RAD51B: variants seen among roughly 807,000 people sequenced by gnomAD.
RAD51B encodes RAD51 paralog B.
RAD51B carries 38 observed loss-of-function variants against 42.2 expected under a neutral mutation model. The ratio of observed to expected loss-of-function variants is 0.90; its 90% CI spans 0.70 to 1.18. RAD51B has a LOEUF of 1.18. Ranked by LOEUF, RAD51B falls within the 50% of genes most tolerant of loss-of-function variation. The pLI, the probability that RAD51B is intolerant of heterozygous loss-of-function variation, is 0.00. For missense variants in RAD51B, 373 were observed against 400.7 expected, an observed-to-expected ratio of 0.93 and a Z score of 0.59; for synonymous variants, 154 against 145.2, an observed-to-expected ratio of 1.06 and a Z score of -0.43.
chr14:67,927,055 G>A (rs2044540132), intron 7 of RAD51B, among the ~76,000 whole-genome samples: 1 of 152,158 alleles, frequency 6.6e-6, no homozygotes, highest in African/African-American at 2.4e-5. Context: ...TCCCATTCCT[G>A]TTATTTAAGC....
At chr14:68,058,623 C>T (rs1158856464) in intron 7 of RAD51B, among the ~76,000 whole-genome samples, 1 of 152,098 alleles carries the variant, frequency 6.6e-6, no homozygotes, top group Non-Finnish European at 1.5e-5. Flanking sequence ...GTATAGTATA[C>T]CATCATATCT....
intron 8 of RAD51B, among the ~76,000 whole-genome samples, chr14:68,400,150 T>C (rs2084056651): frequency 6.6e-6 from 1 of 152,182 alleles, no homozygotes; most frequent in African/African-American, 2.4e-5. Context: ...CCTTGTGAGC[T>C]GATTTCCTGA....
At chr14:68,632,404 G>A (rs112256313) in intron 10 of RAD51B, among the ~76,000 whole-genome samples, 6 of 152,314 alleles carry the variant, frequency 3.9e-5, no homozygotes, top group South Asian at 4.1e-4. Context: ...CCGCTCGGCC[G>A]TCTGGGACTG....
intron 8 of RAD51B, among the ~76,000 whole-genome samples, chr14:68,376,807 TG>T (rs2083379242): frequency 1.3e-5 from 2 of 152,304 alleles, no homozygotes; most frequent in African/African-American, 2.4e-5. Context: ...GGTAAGAACA[TG>T]TTTTTTTGTA....
chr14:67,838,478 T>C (rs962648223), intron 4 of RAD51B, among the ~76,000 whole-genome samples: 2 of 152,146 alleles, frequency 1.3e-5, no homozygotes, highest in African/African-American at 4.8e-5. Context: ...GGTCTAGCTG[T>C]GTCACCTAGG....
intron 7 of RAD51B, among the ~76,000 whole-genome samples, chr14:68,020,143 T>C (rs2075840542): frequency 1.3e-5 from 2 of 152,178 alleles, no homozygotes; most frequent in Non-Finnish European, 2.9e-5. Flanking sequence ...GGGGTCTCAC[T>C]ATCTCACCTA....
chr14:67,888,730 T>A (rs747395548), intron 7 of RAD51B, among the ~76,000 whole-genome samples: 14 of 152,182 alleles, frequency 9.2e-5, no homozygotes, highest in Non-Finnish European at 1.6e-4. Flanking sequence ...TTGGGTATTA[T>A]AAGTAATGTA....
intron 4 of RAD51B, among the ~76,000 whole-genome samples, chr14:67,842,846 T>G (rs551197649): frequency 1.3e-5 from 2 of 152,344 alleles, no homozygotes; most frequent in South Asian, 2.1e-4. Context: ...TATGTTCATT[T>G]CGATGCCTAG....
At chr14:67,858,507 G>A (rs1413552253) in intron 4 of RAD51B, among the ~76,000 whole-genome samples, 1 of 152,198 alleles carries the variant, frequency 6.6e-6, no homozygotes, top group Non-Finnish European at 1.5e-5. Flanking sequence ...ACAGAATGGG[G>A]AGTGCATGCT....
intron 7 of RAD51B, among the ~76,000 whole-genome samples, chr14:68,023,358 G>A (rs1398890719): frequency 6.6e-6 from 1 of 151,664 alleles, no homozygotes; most frequent in Admixed American, 6.6e-5. Flanking sequence ...TTTTTTTTGA[G>A]ACAGTCTCCC....
intron 7 of RAD51B, among the ~76,000 whole-genome samples, chr14:68,102,496 C>T (rs1207389053): frequency 6.6e-6 from 1 of 152,168 alleles, no homozygotes; most frequent in African/African-American, 2.4e-5. Context: ...CAAGAGTCAA[C>T]TTTGCTCCAT....
chr14:68,317,013 A>G (rs758196250), intron 8 of RAD51B, among the ~76,000 whole-genome samples: 29 of 152,228 alleles, frequency 1.9e-4, no homozygotes, highest in Non-Finnish European at 4.0e-4. Context: ...GAAGTGAAAC[A>G]GAAATTTATG....
At chr14:68,492,026 C>G (rs1884118810) in intron 10 of RAD51B, among the ~76,000 whole-genome samples, 1 of 152,210 alleles carries the variant, frequency 6.6e-6, no homozygotes, top group African/African-American at 2.4e-5. Context: ...CACACTGCCT[C>G]CTAGCTGAAC....
At chr14:68,671,503 T>C (rs774071834) in intron 11 of RAD51B, among the ~76,000 whole-genome samples, 17 of 151,940 alleles carry the variant, frequency 1.1e-4, no homozygotes, top group Non-Finnish European at 2.1e-4. Context: ...TTGCTTGAAA[T>C]ATCTGTCTAG....
chr14:68,145,092 A>G (rs1000652938), intron 7 of RAD51B, among the ~76,000 whole-genome samples: 9 of 152,374 alleles, frequency 5.9e-5, no homozygotes, highest in South Asian at 4.1e-4. Flanking sequence ...AAGCCATTAA[A>G]TATTAACTAT....
chr14:68,444,552 G>A (rs12435914), intron 9 of RAD51B, among the ~76,000 whole-genome samples: 44,512 of 152,036 alleles, frequency 0.29, 7,778 homozygotes, highest in South Asian at 0.55. Flanking sequence ...TTATTTTAGA[G>A]GGATAGGGTT....
At chr14:68,051,251 A>C (rs1041905446) in intron 7 of RAD51B, among the ~76,000 whole-genome samples, 1 of 152,102 alleles carries the variant, frequency 6.6e-6, no homozygotes, top group Non-Finnish European at 1.5e-5. Flanking sequence ...TCTACTTCTT[A>C]AATTTAAATA....
chr14:67,899,261 G>A lies in RAD51B; in HGVS notation c.756+12057G>A, dbSNP rs552814224. Among the ~76,000 whole-genome samples the A allele has an allele frequency of 2.6e-5, 4 of 151,956 alleles. No individual in the cohort carries two copies. In the South Asian group the frequency reaches 8.3e-4, roughly 32 times the overall value. On this transcript the variant is annotated intron_variant, in intron 7 of 10. Transcript: ENST00000471583. ...AGACGGGGTTTCACCATGTTAGCCA[G>A]GATGGTCTTGATCTCCTGACCTCGT...
Position 67,871,449 on chromosome 14 carries a change from C to T in RAD51B, c.452+6310C>T, listed in dbSNP as rs1042090494. ...CTGAAATTGTGGCAGTAATCAATAG[C>T]TTACCAACCAAAAAGAGTCCAGGAC... On this transcript the variant is annotated intron_variant, in intron 5 of 10. Transcript: ENST00000471583. Among the ~76,000 whole-genome samples, 13 of 152,304 alleles carry T rather than the reference C, an allele frequency of 8.5e-5. No individual in the cohort carries two copies. The East Asian group carries it at 2.1e-3, about 25-fold the overall frequency.
Sources: allele counts gnomAD v4.1 joint callset (sites outside exome capture counted in the v4.1 genomes callset), GRCh38; gene constraint gnomAD v4.1.1; transcripts MANE v1.5; gene names NCBI Gene and HGNC (gene_info 2026-07-23, HGNC 2026-07-21).